FBXO10: variants seen among roughly 807,000 people sequenced by gnomAD.
FBXO10 encodes the protein F-box protein 10.
Under a neutral mutation model 80.7 loss-of-function variants are expected in FBXO10, and 39 were observed. The ratio of observed to expected loss-of-function variants is 0.48; its 90% CI spans 0.37 to 0.63. The LOEUF (loss-of-function observed/expected upper bound fraction) is 0.63, where lower values mean the gene tolerates loss of function less well. FBXO10 is among the 30% of genes least tolerant of loss of function. The pLI, the probability that FBXO10 is intolerant of heterozygous loss-of-function variation, is 0.00. For synonymous variants in FBXO10, 449 were observed against 489.6 expected, an observed-to-expected ratio of 0.92 and a Z score of 1.09; for missense variants, 1,025 against 1,269.0, an observed-to-expected ratio of 0.81 and a Z score of 2.92.
At chr9:37,550,788 A>G (rs1279106178) in intron 1 of FBXO10, among the ~76,000 whole-genome samples, 5 of 152,196 alleles carry the variant, frequency 3.3e-5, no homozygotes, top group Admixed American at 6.5e-5. Context: ...TCAGTTCTCA[A>G]GATAATGAAT....
At chr9:37,564,674 C>T (rs1822561584) in intron 1 of FBXO10, among the ~76,000 whole-genome samples, 2 of 152,228 alleles carry the variant, frequency 1.3e-5, no homozygotes, top group South Asian at 4.1e-4. Flanking sequence ...TTTGGACTTG[C>T]ATAGGGCCTG....
chr9:37,568,328 G>C (rs1238532570), intron 1 of FBXO10, among the ~76,000 whole-genome samples: 2 of 152,050 alleles, frequency 1.3e-5, no homozygotes, highest in African/African-American at 4.8e-5. Flanking sequence ...TTCTCGGGTA[G>C]CTGGGATTAC....
At chr9:37,554,460 T>G (rs1822285433) in intron 1 of FBXO10, among the ~76,000 whole-genome samples, 1 of 152,190 alleles carries the variant, frequency 6.6e-6, no homozygotes, top group Admixed American at 6.6e-5. Flanking sequence ...TATCCAGTAG[T>G]GTGTATTTGC....
chr9:37,541,736 C>T lies in FBXO10; in HGVS notation c.33G>A (p.Trp11Ter). MEAGGLPLEL[W>*]RMILAYLHLP... ...GGTGCAAGTAGGCTAAGATCATGCG[C>T]CACAGCTCCAAGGGGAGGCCACCAG... Residue 11 changes from tryptophan (W) to a stop codon, truncating the protein, a stop_gained, in exon 2 of 11, where the codon TGG (tryptophan) becomes TGA (stop). Transcript: ENST00000432825. LOFTEE classifies it high-confidence loss of function. 6.2e-7 allele frequency: 1 copy of T among 1,609,476 alleles called. No homozygotes were observed. Among genetic ancestry groups the T allele is most frequent in the Non-Finnish European group, 8.5e-7 (1 of 1,177,078 alleles).
At chr9:37,553,850 AG>A (rs1822269653) in intron 1 of FBXO10, among the ~76,000 whole-genome samples, 1 of 135,208 alleles carries the variant, frequency 7.4e-6, no homozygotes, top group Non-Finnish European at 1.5e-5. Flanking sequence ...TGGGAGGCAG[AG>A]GTTGCGGTGA....
chr9:37,528,606 A>T (rs1186579983), intron 5 of FBXO10, among the ~76,000 whole-genome samples: 3 of 152,122 alleles, frequency 2.0e-5, no homozygotes, highest in Non-Finnish European at 4.4e-5. Flanking sequence ...TCCTTCTGGT[A>T]CCACTCTGAC....
At chr9:37,552,345 A>G (rs1015826223) in intron 1 of FBXO10, among the ~76,000 whole-genome samples, 5 of 152,236 alleles carry the variant, frequency 3.3e-5, no homozygotes, top group African/African-American at 1.2e-4. Context: ...TAGTCTGTTT[A>G]GTGCAACCAT....
Position 37,529,386 on chromosome 9 carries a change from C to T in FBXO10, c.1570-126G>A. On this transcript the variant is annotated intron_variant, in intron 4 of 10. Transcript: ENST00000432825. ...GGAGAAAATGACGTCACTGTAAGAG[C>T]CCTAGCCCGTGACAAAGGGAATGGG... is the stretch of plus-strand genomic sequence containing the variant. 3.9e-6 allele frequency: 4 copies of T among 1,033,430 alleles called. No homozygotes were observed. In the South Asian group the frequency reaches 6.4e-5, roughly 17 times the overall value. The allele number at this position is 1,033,430 out of a possible 1,614,324, so 64.0% of individuals were successfully genotyped here.
At chr9:37,542,886 G>A (rs2119131356) in intron 1 of FBXO10, among the ~76,000 whole-genome samples, 1 of 152,332 alleles carries the variant, frequency 6.6e-6, no homozygotes, top group African/African-American at 2.4e-5. Context: ...AACTAGAAGA[G>A]TCTGGACTTC....
chr9:37,533,275 G>C (rs1304058505), intron 3 of FBXO10, among the ~76,000 whole-genome samples: 1 of 152,214 alleles, frequency 6.6e-6, no homozygotes, highest in Non-Finnish European at 1.5e-5. Flanking sequence ...GCCAGGTGTG[G>C]TGGCTCACGT....
At chr9:37,541,931 G>T (rs1249587682) in intron 1 of FBXO10, among the ~76,000 whole-genome samples, 157 bp from the exon 2 acceptor site, 1 of 152,150 alleles carries the variant, frequency 6.6e-6, no homozygotes, top group Non-Finnish European at 1.5e-5. Context: ...CCAGATTCAA[G>T]CAATTCTCCT....
intron 1 of FBXO10, among the ~76,000 whole-genome samples, chr9:37,575,907 C>G (rs1283270931): frequency 1.3e-5 from 2 of 152,212 alleles, no homozygotes; most frequent in Non-Finnish European, 2.9e-5. Context: ...CGAAAAATCT[C>G]AGGGCTGGAG....
At position 37,518,112 on chromosome 9, in the gene FBXO10, C is replaced by A; in HGVS notation, c.2514+13G>T. On this transcript the variant is annotated intron_variant, in intron 9 of 10. Transcript: ENST00000432825. Reference sequence around the variant, plus strand: ...GTGGGCACCACACGTCACACACATGCAGACATACTCACTTTAGTGTCGGAC... The same window carrying A: ...GTGGGCACCACACGTCACACACATGAAGACATACTCACTTTAGTGTCGGAC... 6.2e-7 allele frequency: 1 copy of A among 1,602,954 alleles called. No individual in the cohort carries two copies. Among genetic ancestry groups the A allele is most frequent in the Non-Finnish European group, 8.5e-7 (1 of 1,174,234 alleles).
At position 37,537,793 on chromosome 9, in the gene FBXO10, A is replaced by G. The variant is rs1200600313; in HGVS notation, c.736T>C (p.Cys246Arg). 6.2e-7 allele frequency: 1 copy of G among 1,613,930 alleles called. No individual in the cohort carries two copies. Among genetic ancestry groups the G allele is most frequent in the Non-Finnish European group, 8.5e-7 (1 of 1,179,890 alleles). ...HNVPLCVLEN[C>R]EFVGSENNSV... ...TTGTTTTCACTGCCCACAAATTCAC[A>G]GTTTTCCAGGACACACAGGGGCACG... is the stretch of plus-strand genomic sequence containing the variant. Residue 246 changes from cysteine (C) to arginine (R), a missense_variant, in exon 3 of 11, where the codon TGT becomes CGT. Cys to Arg is a radical substitution (Grantham distance 180). Around this residue, in one of 3 missense-constraint regions of FBXO10, gnomAD observed 450 missense variants for 499.4 expected, o/e 0.90. Coordinates refer to ENST00000432825, the MANE Select transcript of FBXO10 (RefSeq NM_012166.3).
At chr9:37,534,989 G>C (rs1821721661) in intron 3 of FBXO10, among the ~76,000 whole-genome samples, 1 of 152,168 alleles carries the variant, frequency 6.6e-6, no homozygotes, top group Non-Finnish European at 1.5e-5. Flanking sequence ...GAGAAACCCT[G>C]CCATCACGTA....
chr9:37,512,374 T>C lies in FBXO10; in HGVS notation c.*173A>G, dbSNP rs2119037087. Reference sequence around the variant, plus strand: ...TTCTCCCTGAAAAACATTGCCCACTTTCTTCTTGCTATGGGCTGTGGAGCT... The same window carrying C: ...TTCTCCCTGAAAAACATTGCCCACTCTCTTCTTGCTATGGGCTGTGGAGCT... On this transcript the variant is annotated 3_prime_UTR_variant, in exon 11 of 11. Coordinates refer to ENST00000432825, the MANE Select transcript of FBXO10 (RefSeq NM_012166.3). 7.3e-6 allele frequency: 4 copies of C among 548,306 alleles called. No homozygotes were observed. The East Asian group carries it at 1.2e-4, about 17-fold the overall frequency. The allele number at this position is 548,306 out of a possible 1,614,324, so 34.0% of individuals were successfully genotyped here.
intron 1 of FBXO10, among the ~76,000 whole-genome samples, chr9:37,543,243 A>G (rs988604757): frequency 6.6e-6 from 1 of 152,206 alleles, no homozygotes; most frequent in African/African-American, 2.4e-5. Context: ...CCAGTGATTT[A>G]TATCACATGA....
At chr9:37,525,845 G>T (rs975902369) in intron 5 of FBXO10, among the ~76,000 whole-genome samples, 2 of 151,962 alleles carry the variant, frequency 1.3e-5, no homozygotes, top group African/African-American at 4.8e-5. Flanking sequence ...GGCCTTATAT[G>T]TATTTTATCC....
intron 3 of FBXO10, among the ~76,000 whole-genome samples, chr9:37,534,984 A>AC (rs1348108001): frequency 6.6e-6 from 1 of 152,116 alleles, no homozygotes; most frequent in Non-Finnish European, 1.5e-5. Flanking sequence ...CAAGAGAGAA[A>AC]CCCTGCCATC....
Sources: allele counts gnomAD v4.1 joint callset (sites outside exome capture counted in the v4.1 genomes callset), GRCh38; gene constraint gnomAD v4.1.1; regional missense constraint gnomAD v4.1.1; transcripts MANE v1.5; gene names NCBI Gene and HGNC (gene_info 2026-07-23, HGNC 2026-07-21).